MECOM: variants seen among roughly 807,000 people sequenced by gnomAD.
MECOM encodes MDS1 and EVI1 complex locus, also known as histone-lysine N-methyltransferase MECOM.
In MECOM, 13 loss-of-function variants were observed where a neutral mutation model predicts 116.3. The ratio of observed to expected loss-of-function variants is 0.11; its 90% CI spans 0.07 to 0.18. MECOM has a LOEUF of 0.18. MECOM is among the 10% of genes least tolerant of loss of function. The pLI is 1.00. For synonymous variants in MECOM, 528 were observed against 535.2 expected (o/e 0.99, Z 0.19); for missense variants, 1,299 against 1,509.0 (o/e 0.86, Z 2.31).
At chr3:169,238,209 T>C (rs1408783812) in intron 2 of MECOM, among the ~76,000 whole-genome samples, 1 of 150,330 alleles carries the variant, frequency 6.7e-6, no homozygotes, top group Non-Finnish European at 1.5e-5. Flanking sequence ...AAAAAAGAAA[T>C]TATTTTTTCT....
At chr3:169,274,334 TAATGAG>T (rs1759330228) in intron 2 of MECOM, among the ~76,000 whole-genome samples, 1 of 152,200 alleles carries the variant, frequency 6.6e-6, no homozygotes, top group Non-Finnish European at 1.5e-5. Context: ...GTAAACTTGA[TAATGAG>T]AATAAGAAAT....
intron 1 of MECOM, chr3:169,484,161 G>A (rs762767662): frequency 1.7e-4 from 115 of 669,628 alleles, no homozygotes; most frequent in Non-Finnish European, 2.7e-4. Context: ...TCAACATTTT[G>A]CTTTGCCCAA....
At chr3:169,305,783 T>C (rs2149720427) in intron 2 of MECOM, among the ~76,000 whole-genome samples, 1 of 152,262 alleles carries the variant, frequency 6.6e-6, no homozygotes. Flanking sequence ...CTTTTGTATG[T>C]CACACCTGGT....
intron 12 of MECOM, among the ~76,000 whole-genome samples, chr3:169,099,332 G>T (rs34651932): frequency 0.25 from 38,397 of 152,014 alleles, 5,071 homozygotes; most frequent in Non-Finnish European, 0.28. Context: ...CATGAGTGTG[G>T]AAACCTTTCC....
At chr3:169,233,338 G>A (rs1753649753) in intron 2 of MECOM, among the ~76,000 whole-genome samples, 1 of 152,028 alleles carries the variant, frequency 6.6e-6, no homozygotes, top group South Asian at 2.1e-4. Flanking sequence ...AATGTCATCT[G>A]GGGATGAACT....
intron 2 of MECOM, chr3:169,149,585 C>A (rs1422178737): frequency 4.9e-6 from 2 of 410,940 alleles, no homozygotes; most frequent in Non-Finnish European, 1.0e-5. Context: ...CACAGCTCTG[C>A]CTTCCGCCTC....
intron 1 of MECOM, among the ~76,000 whole-genome samples, chr3:169,653,116 T>G (rs2110090854): frequency 6.6e-6 from 1 of 152,336 alleles, no homozygotes; most frequent in East Asian, 1.9e-4. Context: ...GGTTTATCAC[T>G]GTCAAAATAG....
At chr3:169,572,831 G>T (rs1330333131) in intron 1 of MECOM, among the ~76,000 whole-genome samples, 1 of 151,884 alleles carries the variant, frequency 6.6e-6, no homozygotes, top group Non-Finnish European at 1.5e-5. Flanking sequence ...CCTGTTGGGG[G>T]TTGGGGGACT....
chr3:169,528,051 A>G (rs1758165034), intron 1 of MECOM, among the ~76,000 whole-genome samples: 1 of 152,194 alleles, frequency 6.6e-6, no homozygotes, highest in African/African-American at 2.4e-5. Context: ...TGCTGACTCC[A>G]TACCTACTGC....
At chr3:169,315,038 A>G (rs1719495029) in intron 2 of MECOM, among the ~76,000 whole-genome samples, 1 of 152,154 alleles carries the variant, frequency 6.6e-6, no homozygotes, top group South Asian at 2.1e-4. Flanking sequence ...CACTTTACAG[A>G]TGGGGAAATT....
chr3:169,165,961 G>A (rs1309945276), intron 2 of MECOM, among the ~76,000 whole-genome samples: 1 of 152,042 alleles, frequency 6.6e-6, no homozygotes, highest in Non-Finnish European at 1.5e-5. Flanking sequence ...CTTAAGTGAA[G>A]GGATTTTTAA....
chr3:169,258,902 C>T (rs983227380), intron 2 of MECOM, among the ~76,000 whole-genome samples: 3 of 152,282 alleles, frequency 2.0e-5, no homozygotes, highest in Non-Finnish European at 1.5e-5. Flanking sequence ...TCTCATGTAA[C>T]TCTTAAAATA....
intron 2 of MECOM, among the ~76,000 whole-genome samples, chr3:169,201,601 A>G (rs1749165111): frequency 6.6e-6 from 1 of 152,120 alleles, no homozygotes; most frequent in African/African-American, 2.4e-5. Flanking sequence ...GCCTAGTTGT[A>G]CATTTCCATA....
At chr3:169,543,085 A>T (rs1760297839) in intron 1 of MECOM, among the ~76,000 whole-genome samples, 1 of 152,212 alleles carries the variant, frequency 6.6e-6, no homozygotes, top group African/African-American at 2.4e-5. Context: ...AATGTGCATT[A>T]TTTTTTTAAT....
At chr3:169,170,312 C>T (rs1255246035) in intron 2 of MECOM, among the ~76,000 whole-genome samples, 1 of 147,102 alleles carries the variant, frequency 6.8e-6, no homozygotes, top group Non-Finnish European at 1.5e-5. Context: ...GAGGCTGAGG[C>T]AGGAGAATCC....
intron 1 of MECOM, among the ~76,000 whole-genome samples, chr3:169,447,587 T>C (rs1259935670): frequency 6.6e-6 from 1 of 152,238 alleles, no homozygotes; most frequent in East Asian, 1.9e-4. Flanking sequence ...AGTAAAAATG[T>C]CAACTCTGTC....
At chr3:169,569,212 G>A (rs1205137045) in intron 1 of MECOM, among the ~76,000 whole-genome samples, 2 of 151,304 alleles carry the variant, frequency 1.3e-5, no homozygotes, top group African/African-American at 4.9e-5. Flanking sequence ...TGATGAAACA[G>A]ACTTTAAACC....
At chr3:169,379,349 A>G (rs556025333) in intron 2 of MECOM, among the ~76,000 whole-genome samples, 1 of 152,160 alleles carries the variant, frequency 6.6e-6, no homozygotes, top group Non-Finnish European at 1.5e-5. Flanking sequence ...CATCAACTGA[A>G]TTCTTGAAGG....
rs183071912 is a variant in MECOM at position 169,255,318 on chromosome 3, A to G, written c.376-111486T>C. Among the ~76,000 whole-genome samples the G allele has an allele frequency of 1.5e-3, 222 of 152,272 alleles. 1 individual carries two copies. The highest frequency in any genetic ancestry group is 2.4e-3 in the Non-Finnish European group (165 of 68,008). On this transcript the variant is annotated intron_variant, in intron 2 of 16. Coordinates refer to ENST00000651503, the MANE Select transcript of MECOM (RefSeq NM_004991.4). ...AGCCTATGCAGTCCTTCCTAGTCAT[A>G]TGCCATCTCTAAACTGGTTAAAAAA... is the stretch of plus-strand genomic sequence containing the variant.
Sources: allele counts gnomAD v4.1 joint callset (sites outside exome capture counted in the v4.1 genomes callset), GRCh38; gene constraint gnomAD v4.1.1; transcripts MANE v1.5; gene names NCBI Gene and HGNC (gene_info 2026-07-23, HGNC 2026-07-21).